Variants in RDX observed in about 807,000 individuals in gnomAD.
RDX encodes deafness, autosomal recessive 24.
A neutral mutation model predicts 83.7 loss-of-function variants in RDX; 32 were observed. The ratio of observed to expected loss-of-function variants is 0.38; its 90% CI spans 0.29 to 0.51. The LOEUF is 0.51. Ranked by LOEUF, RDX falls within the 20% of genes least tolerant of loss-of-function variation. The pLI is 0.87. For missense variants in RDX, 600 were observed against 689.9 expected (o/e 0.87, Z 1.46); for synonymous variants, 229 against 222.7 (o/e 1.03, Z -0.25).
chr11:110,264,327 G>T (rs1181539736), intron 4 of RDX, 93 bp from the exon 5 acceptor site: 143 of 844,824 alleles, frequency 1.7e-4, no homozygotes, highest in Non-Finnish European at 2.1e-4. Flanking sequence ...AGAAAATGAA[G>T]TGAAATAGAT....
At chr11:110,261,315 T>C (rs1859795137) in intron 5 of RDX, among the ~76,000 whole-genome samples, 1 of 152,240 alleles carries the variant, frequency 6.6e-6, no homozygotes. Flanking sequence ...AAACCTGGTA[T>C]GTAAAAGTTT....
At chr11:110,228,742 A>G (rs931061216), downstream of RDX, among the ~76,000 whole-genome samples, 2 of 151,526 alleles carry the variant, frequency 1.3e-5, no homozygotes, top group African/African-American at 4.8e-5. Context: ...ACTTCTAATG[A>G]TAAGAGTGAC....
chr11:110,234,708 T>C (rs559421461), intron 12 of RDX, among the ~76,000 whole-genome samples: 3 of 152,274 alleles, frequency 2.0e-5, no homozygotes, highest in East Asian at 3.9e-4. Context: ...AATAAACAAG[T>C]AGAGTAACTG....
intron 15 of RDX, chr11:110,175,284 C>G (rs1045245597): frequency 6.6e-6 from 1 of 152,214 alleles, no homozygotes; most frequent in Non-Finnish European, 1.5e-5. Context: ...CAATCATGCT[C>G]AGGGACGTTC....
chr11:110,218,445 G>A (rs376131048), intron 14 of RDX, among the ~76,000 whole-genome samples: 28 of 152,282 alleles, frequency 1.8e-4, no homozygotes, highest in East Asian at 1.7e-3. Context: ...TGCTTTGGCA[G>A]TACTTCATGT....
downstream of RDX, among the ~76,000 whole-genome samples, chr11:110,227,481 A>G (rs528200751): frequency 1.8e-4 from 28 of 152,304 alleles, no homozygotes; most frequent in African/African-American, 6.5e-4. Context: ...CAATTAGAAT[A>G]GGGTGGTAAA....
chr11:110,242,103 G>A (rs1022848471), intron 10 of RDX, among the ~76,000 whole-genome samples: 4 of 152,150 alleles, frequency 2.6e-5, no homozygotes, highest in African/African-American at 4.8e-5. Flanking sequence ...GGATAGTGGT[G>A]ATGGCTGCAC....
At chr11:110,256,613 G>A (rs1591157451) in intron 7 of RDX, among the ~76,000 whole-genome samples, 1 of 152,104 alleles carries the variant, frequency 6.6e-6, no homozygotes, top group Non-Finnish European at 1.5e-5. Context: ...AGTGGCTCAC[G>A]CCTGTAATCT....
chr11:110,285,163 C>T (rs192533702), intron 1 of RDX, among the ~76,000 whole-genome samples: 128 of 151,914 alleles, frequency 8.4e-4, no homozygotes, highest in African/African-American at 3.0e-3. Flanking sequence ...CCGAGGCAGG[C>T]GGATCACGAG....
intron 14 of RDX, among the ~76,000 whole-genome samples, chr11:110,205,431 CAAAAA>C (rs35103862): frequency 2.3e-4 from 11 of 47,068 alleles, no homozygotes; most frequent in Non-Finnish European, 4.1e-4. Flanking sequence ...TTTACCTATC[CAAAAA>C]AAAAAAAAAA....
At chr11:110,256,238 T>TTTA (rs1859541668) in intron 7 of RDX, among the ~76,000 whole-genome samples, 1 of 152,106 alleles carries the variant, frequency 6.6e-6, no homozygotes, top group Admixed American at 6.5e-5. Flanking sequence ...AGCATGAATT[T>TTTA]TTACCTATTT....
chr11:110,256,362 A>G (rs1396438789), intron 7 of RDX, among the ~76,000 whole-genome samples: 1 of 152,196 alleles, frequency 6.6e-6, no homozygotes, highest in African/African-American at 2.4e-5. Context: ...GGCCCCTGAT[A>G]TAAGTCAAAG....
intron 15 of RDX, among the ~76,000 whole-genome samples, chr11:110,197,840 G>A (rs867774222): frequency 6.6e-6 from 1 of 152,172 alleles, no homozygotes; most frequent in African/African-American, 2.4e-5. Flanking sequence ...AAGACCAGCT[G>A]GATTCTCAGC....
At chr11:110,210,995 T>G (rs1033610358) in intron 14 of RDX, among the ~76,000 whole-genome samples, 4 of 151,488 alleles carry the variant, frequency 2.6e-5, no homozygotes, top group African/African-American at 2.4e-5. Flanking sequence ...ATAACAATAT[T>G]CACTTTAAAT....
chr11:110,267,307 G>C (rs1358399100), intron 3 of RDX, among the ~76,000 whole-genome samples: 1 of 151,732 alleles, frequency 6.6e-6, no homozygotes, highest in Non-Finnish European at 1.5e-5. Flanking sequence ...GAGGCTAAGA[G>C]TTCAAGACCA....
At chr11:110,201,516 A>C (rs1863400974) in intron 14 of RDX, among the ~76,000 whole-genome samples, 1 of 146,048 alleles carries the variant, frequency 6.8e-6, no homozygotes, top group Non-Finnish European at 1.5e-5. Flanking sequence ...CTTTGCCACC[A>C]GGTGGCGGCA....
chr11:110,272,832 C>A, intron 2 of RDX: 1 of 556,020 alleles, frequency 1.8e-6, no homozygotes, highest in Non-Finnish European at 3.3e-6. Context: ...GCTTTCCATA[C>A]TCTCATTTAG....
chr11:110,226,389 T>C (rs180969133), downstream of RDX, among the ~76,000 whole-genome samples: 1 of 152,268 alleles, frequency 6.6e-6, no homozygotes, highest in East Asian at 1.9e-4. Context: ...GGACAAATAT[T>C]GTATGAGTTC....
chr11:110,215,365 A>AAAATAAATAAAT (rs141643262), intron 14 of RDX, among the ~76,000 whole-genome samples: 9 of 141,778 alleles, frequency 6.3e-5, no homozygotes, highest in Admixed American at 1.4e-4. Flanking sequence ...TCCATCTCAA[A>AAAATAAATAAAT]AAATAAATAA....
Sources: gnomAD v4.1 joint callset for allele counts (sites outside exome capture counted in the v4.1 genomes callset) on GRCh38, gnomAD v4.1.1 for gene constraint, MANE v1.5 for transcripts, NCBI Gene and HGNC (gene_info 2026-07-23, HGNC 2026-07-21) for gene names.